KCNMB2: variants seen among roughly 807,000 people sequenced by gnomAD.
The protein encoded by KCNMB2 is potassium calcium-activated channel subfamily M regulatory beta subunit 2.
KCNMB2 carries 9 observed loss-of-function variants against 24.5 expected under a neutral mutation model. The ratio of observed to expected loss-of-function variants is 0.37; its 90% CI spans 0.22 to 0.64. KCNMB2 has a LOEUF of 0.64. Among genes scored for constraint, KCNMB2 ranks in the 30% least tolerant of loss-of-function variants. The pLI is 0.63. For missense variants in KCNMB2, 226 were observed against 284.3 expected, an observed-to-expected ratio of 0.79 and a Z score of 1.47; for synonymous variants, 109 against 104.4, an observed-to-expected ratio of 1.04 and a Z score of -0.27.
chr3:178,593,562 C>T (rs1257048741), intron 1 of KCNMB2, among the ~76,000 whole-genome samples: 1 of 151,984 alleles, frequency 6.6e-6, no homozygotes, highest in Non-Finnish European at 1.5e-5. Flanking sequence ...ACTCTGAAAA[C>T]TAACTGGTGA....
intron 1 of KCNMB2, among the ~76,000 whole-genome samples, chr3:178,604,014 C>G (rs550064547): frequency 6.6e-6 from 1 of 152,214 alleles, no homozygotes; most frequent in South Asian, 2.1e-4. Flanking sequence ...CCCAGAGACA[C>G]AGCAGGCTAC....
chr3:178,704,799 C>T (rs1722223144), intron 1 of KCNMB2, among the ~76,000 whole-genome samples: 2 of 152,274 alleles, frequency 1.3e-5, no homozygotes, highest in South Asian at 2.1e-4. Flanking sequence ...GCATCATGCT[C>T]ATTCCCAGGC....
intron 1 of KCNMB2, among the ~76,000 whole-genome samples, chr3:178,627,638 T>C (rs1295229042): frequency 6.6e-6 from 1 of 152,244 alleles, no homozygotes; most frequent in Non-Finnish European, 1.5e-5. Context: ...TCTTTCATCA[T>C]GGTGACCATT....
At chr3:178,759,307 CTCCAAGAGGATATATATATATATATA>C (rs1711571682) in intron 1 of KCNMB2, among the ~76,000 whole-genome samples, 1 of 95,922 alleles carries the variant, frequency 1.0e-5, no homozygotes, top group African/African-American at 4.4e-5. Context: ...ATATATATAT[CTCCAAGAGGATATATATATATATATA>C]TCTCCAAGAG....
chr3:178,834,397 G>A (rs1715150795), intron 4 of KCNMB2, among the ~76,000 whole-genome samples: 4 of 152,132 alleles, frequency 2.6e-5, no homozygotes, highest in Admixed American at 6.5e-5. Context: ...CCCCTTGAGA[G>A]AATAAAGACA....
intron 1 of KCNMB2, among the ~76,000 whole-genome samples, chr3:178,614,258 TA>T (rs1431232151): frequency 3.3e-5 from 1 of 30,638 alleles, no homozygotes; most frequent in African/African-American, 1.2e-4. Flanking sequence ...TATATATATA[TA>T]TATATATATA....
intron 1 of KCNMB2, among the ~76,000 whole-genome samples, chr3:178,569,359 G>A (rs540706361): frequency 2.0e-5 from 3 of 152,202 alleles, no homozygotes; most frequent in Non-Finnish European, 4.4e-5. Context: ...TTACCACCTC[G>A]GTTCATGTAA....
At chr3:178,647,743 G>C (rs1277406680) in intron 1 of KCNMB2, among the ~76,000 whole-genome samples, 1 of 152,070 alleles carries the variant, frequency 6.6e-6, no homozygotes, top group Non-Finnish European at 1.5e-5. Flanking sequence ...AATCCATCAT[G>C]GTCCAGCAGT....
chr3:178,633,475 T>G (rs1220284529), intron 1 of KCNMB2, among the ~76,000 whole-genome samples: 2 of 152,218 alleles, frequency 1.3e-5, no homozygotes, highest in African/African-American at 4.8e-5. Context: ...TGCCAAGGCT[T>G]GGGGCTCACA....
intron 1 of KCNMB2, among the ~76,000 whole-genome samples, chr3:178,577,941 T>G (rs1300584195): frequency 1.3e-5 from 2 of 152,188 alleles, no homozygotes; most frequent in Non-Finnish European, 2.9e-5. Context: ...GGAACCAAGT[T>G]GGAAAACATT....
At chr3:178,760,133 TATATATATCCA>T (rs1711743827) in intron 1 of KCNMB2, among the ~76,000 whole-genome samples, 1 of 42,686 alleles carries the variant, frequency 2.3e-5, no homozygotes, top group African/African-American at 1.2e-4. Context: ...TCTATATATA[TATATATATCCA>T]AGAGGATATA....
chr3:178,558,669 G>A (rs1247404027), intron 1 of KCNMB2: 1 of 152,032 alleles, frequency 6.6e-6, no homozygotes, highest in Non-Finnish European at 1.5e-5. Flanking sequence ...TAAAATAGAG[G>A]AGCGTTGGTG....
chr3:178,652,226 G>A (rs1043148722), intron 1 of KCNMB2, among the ~76,000 whole-genome samples: 1 of 151,952 alleles, frequency 6.6e-6, no homozygotes, highest in Non-Finnish European at 1.5e-5. Flanking sequence ...GAATTTACAT[G>A]AAAAAAACAA....
chr3:178,650,665 A>C (rs932519914), intron 1 of KCNMB2, among the ~76,000 whole-genome samples: 1 of 152,166 alleles, frequency 6.6e-6, no homozygotes, highest in Admixed American at 6.5e-5. Context: ...CCTCAATAAA[A>C]TACTGGCAAA....
At chr3:178,815,106 T>C (rs1714354640) in intron 2 of KCNMB2, among the ~76,000 whole-genome samples, 1 of 152,156 alleles carries the variant, frequency 6.6e-6, no homozygotes. Context: ...ATCACTTTGG[T>C]TTCAGCAACT....
chr3:178,764,084 T>C (rs1290171057), intron 1 of KCNMB2, among the ~76,000 whole-genome samples: 1 of 152,228 alleles, frequency 6.6e-6, no homozygotes, highest in Non-Finnish European at 1.5e-5. Flanking sequence ...CCCCATTATT[T>C]GATTCGTAGT....
chr3:178,760,507 C>CGTGT (rs34063119), intron 1 of KCNMB2, among the ~76,000 whole-genome samples: 2,785 of 117,428 alleles, frequency 0.024, 226 homozygotes, highest in African/African-American at 0.081. Flanking sequence ...CCAAGAGTTT[C>CGTGT]GTGTGTGTGT....
chr3:178,732,993 AGAT>A (rs1337511233), intron 1 of KCNMB2, among the ~76,000 whole-genome samples: 10 of 152,216 alleles, frequency 6.6e-5, no homozygotes, highest in Admixed American at 1.3e-4. Context: ...GACAGGCCAT[AGAT>A]GATGATAGTT....
intron 2 of KCNMB2, among the ~76,000 whole-genome samples, chr3:178,808,487 A>G (rs957292701): frequency 2.0e-5 from 3 of 152,172 alleles, no homozygotes; most frequent in African/African-American, 7.2e-5. Flanking sequence ...AAGGAGAAGA[A>G]CCTGAAGGAG....
Sources: gnomAD v4.1 joint callset for allele counts (sites outside exome capture counted in the v4.1 genomes callset) on GRCh38, gnomAD v4.1.1 for gene constraint, MANE v1.5 for transcripts, NCBI Gene and HGNC (gene_info 2026-07-23, HGNC 2026-07-21) for gene names.